CLEC16A: variants seen among roughly 807,000 people sequenced by gnomAD.
The protein encoded by CLEC16A is protein CLEC16A.
CLEC16A carries 51 observed loss-of-function variants against 109.5 expected under a neutral mutation model. That is an observed-to-expected ratio of 0.47 (90% confidence interval 0.37 to 0.59). CLEC16A has a LOEUF of 0.59. CLEC16A is among the 20% of genes least tolerant of loss of function. The pLI, the probability that CLEC16A is intolerant of heterozygous loss-of-function variation, is 0.00. For synonymous variants in CLEC16A, 673 were observed against 564.2 expected, an observed-to-expected ratio of 1.19 and a Z score of -2.73; for missense variants, 1,339 against 1,394.0, an observed-to-expected ratio of 0.96 and a Z score of 0.63.
At chr16:11,153,289 C>T (rs533141265) in intron 22 of CLEC16A, among the ~76,000 whole-genome samples, 8 of 152,134 alleles carry the variant, frequency 5.3e-5, no homozygotes, top group African/African-American at 1.9e-4. Context: ...TAGGTAGTCC[C>T]CGTGCCAGCA....
chr16:10,956,132 A>G (rs1231937779), intron 1 of CLEC16A, among the ~76,000 whole-genome samples: 1 of 152,214 alleles, frequency 6.6e-6, no homozygotes, highest in East Asian at 1.9e-4. Flanking sequence ...CCCCTCCCGC[A>G]GCCTTTTGGT....
In CLEC16A at chr16:10,944,613, GCCT is replaced by G; in HGVS notation, c.-102_-100del. On this transcript the variant is annotated 5_prime_UTR_variant, in exon 1 of 24. Transcript: ENST00000409790. ...GAAGGCGGCTCGCGGTTCCTCCACC[GCCT>G]CCGCCGCCGCATCCTCCGCTTGTGC... The G allele has an allele frequency of 8.9e-7, 1 of 1,122,712 alleles. No individual in the cohort carries two copies. Among genetic ancestry groups the G allele is most frequent in the Non-Finnish European group, 1.3e-6 (1 of 784,440 alleles). 69.5% of individuals were successfully genotyped at this position (1,122,712 alleles called of 1,614,324 possible).
intron 14 of CLEC16A, chr16:11,041,364 T>G (rs1040779408): frequency 2.0e-5 from 3 of 152,238 alleles, no homozygotes; most frequent in African/African-American, 7.2e-5. Context: ...TCACTCTGGC[T>G]TAAACAATAC....
At chr16:11,106,547 G>A (rs769328197) in intron 19 of CLEC16A, among the ~76,000 whole-genome samples, 4 of 150,932 alleles carry the variant, frequency 2.7e-5, no homozygotes, top group African/African-American at 4.9e-5. Flanking sequence ...GAGTTTACAG[G>A]CTTAGTCTTA....
At chr16:11,127,843 C>G (rs1165863373) in intron 22 of CLEC16A, among the ~76,000 whole-genome samples, 1 of 152,070 alleles carries the variant, frequency 6.6e-6, no homozygotes, top group East Asian at 1.9e-4. Context: ...GCCCTCCAGC[C>G]TGGGCAACAG....
At chr16:11,037,189 C>T (rs77616303) in intron 13 of CLEC16A, among the ~76,000 whole-genome samples, 49 of 152,336 alleles carry the variant, frequency 3.2e-4, no homozygotes, top group African/African-American at 1.2e-3. Flanking sequence ...CCCAGGGACA[C>T]AGAGGGGTGG....
chr16:11,104,136 T>C (rs1191726944), intron 19 of CLEC16A, among the ~76,000 whole-genome samples: 2 of 152,026 alleles, frequency 1.3e-5, no homozygotes, highest in African/African-American at 4.8e-5. Context: ...TGAGACAAGG[T>C]CTCACTCTGT....
intron 18 of CLEC16A, among the ~76,000 whole-genome samples, chr16:11,056,203 G>GACCA (rs2048203859): frequency 6.6e-6 from 1 of 152,168 alleles, no homozygotes; most frequent in South Asian, 2.1e-4. Flanking sequence ...GTGTCAGTCA[G>GACCA]ACCAACCACG....
chr16:10,972,941 A>G lies in CLEC16A; in HGVS notation c.608A>G (p.Asp203Gly), dbSNP rs2146411026. The G allele has an allele frequency of 1.9e-6, 3 of 1,596,840 alleles. No homozygotes were observed. Among genetic ancestry groups the G allele is most frequent in the South Asian group, 1.1e-5 (1 of 87,704 alleles). ...TTTCTTCTGTGAATTTTCTCAGTGG[A>G]TAACCAGGCCATGCTGCACTACATC... is the stretch of plus-strand genomic sequence containing the variant. Reference protein sequence around the residue: ...ITLNVYKVSLDNQAMLHYIRD... With the variant: ...ITLNVYKVSLGNQAMLHYIRD... The change falls in exon 7 of 24, where the codon GAT (aspartate) becomes GGT (glycine). Residue 203 changes from aspartate (D) to glycine (G), a missense_variant. This residue lies in a region of CLEC16A where 161 missense variants were observed against 267.1 expected (regional missense o/e 0.60). Coordinates refer to ENST00000409790, the MANE Select transcript of CLEC16A (RefSeq NM_015226.3).
chr16:11,113,102 C>T (rs1466197667), intron 19 of CLEC16A, among the ~76,000 whole-genome samples: 2 of 152,226 alleles, frequency 1.3e-5, no homozygotes, highest in Admixed American at 1.3e-4. Context: ...GAAGAACTCA[C>T]ACTTGGAAAC....
intron 17 of CLEC16A, among the ~76,000 whole-genome samples, chr16:11,050,861 A>C (rs1456574251): frequency 6.6e-6 from 1 of 152,218 alleles, no homozygotes; most frequent in African/African-American, 2.4e-5. Context: ...TAAGATGTGA[A>C]GGGGACAAGG....
chr16:11,040,074 C>G (rs1158290476), intron 14 of CLEC16A, 198 bp downstream of exon 14: 1 of 559,142 alleles, frequency 1.8e-6, no homozygotes, highest in Non-Finnish European at 3.0e-6. Flanking sequence ...CTCTGGGTCT[C>G]CTTTTGCCAT....
intron 11 of CLEC16A, among the ~76,000 whole-genome samples, chr16:11,005,849 C>T (rs1323678341): frequency 2.6e-5 from 4 of 152,134 alleles, no homozygotes; most frequent in South Asian, 2.1e-4. Context: ...ATCTGACTCG[C>T]AGTCATGTCT....
intron 19 of CLEC16A, among the ~76,000 whole-genome samples, chr16:11,114,345 T>G (rs961525575): frequency 6.6e-6 from 1 of 152,160 alleles, no homozygotes; most frequent in Non-Finnish European, 1.5e-5. Context: ...GCCCCACCCC[T>G]GTAGAATTGG....
intron 8 of CLEC16A, 48 bp from the exon 9 acceptor site, chr16:10,979,281 G>C (rs200923691): frequency 6.4e-7 from 1 of 1,564,138 alleles, no homozygotes; most frequent in Non-Finnish European, 8.7e-7. Context: ...TGTGCTGCTC[G>C]CTTGTGTGAC....
At chr16:11,137,851 A>G (rs1430537814) in intron 22 of CLEC16A, among the ~76,000 whole-genome samples, 1 of 152,140 alleles carries the variant, frequency 6.6e-6, no homozygotes, top group Non-Finnish European at 1.5e-5. Flanking sequence ...CCGAGTGCAC[A>G]GTTGGTGGGA....
intron 22 of CLEC16A, among the ~76,000 whole-genome samples, chr16:11,164,695 G>A (rs1026811272): frequency 4.6e-5 from 7 of 152,208 alleles, no homozygotes; most frequent in South Asian, 2.1e-4. Flanking sequence ...CAACTCTGCC[G>A]CTGATCGAGA....
chr16:11,034,230 C>T (rs114670563), intron 13 of CLEC16A, among the ~76,000 whole-genome samples: 95 of 152,314 alleles, frequency 6.2e-4, no homozygotes, highest in African/African-American at 2.2e-3. Context: ...GAAATCGGCC[C>T]AACATCTGGT....
intron 1 of CLEC16A, among the ~76,000 whole-genome samples, chr16:10,948,905 T>C (rs2145686059): frequency 6.6e-6 from 1 of 152,306 alleles, no homozygotes; most frequent in African/African-American, 2.4e-5. Flanking sequence ...TTTCTCAATA[T>C]TGCCAGCAGA....
Sources: allele counts gnomAD v4.1 joint callset (sites outside exome capture counted in the v4.1 genomes callset), GRCh38; gene constraint gnomAD v4.1.1; regional missense constraint gnomAD v4.1.1; transcripts MANE v1.5; gene names NCBI Gene and HGNC (gene_info 2026-07-23, HGNC 2026-07-21).